MAGI2: variants seen among roughly 807,000 people sequenced by gnomAD.
MAGI2 encodes the protein membrane-associated guanylate kinase, WW and PDZ domain-containing protein 2.
A neutral mutation model predicts 133.3 loss-of-function variants in MAGI2; 35 were observed. That is an observed-to-expected ratio of 0.26 (90% CI 0.20 to 0.35). MAGI2 has a LOEUF of 0.35. Among genes scored for constraint, MAGI2 ranks in the 10% least tolerant of loss-of-function variants. The pLI is 1.00. For synonymous variants in MAGI2, 729 were observed against 710.6 expected (o/e 1.03, Z -0.41); for missense variants, 1,636 against 1,863.4 (o/e 0.88, Z 2.25).
chr7:78,785,952 G>A (rs774338018), intron 2 of MAGI2, among the ~76,000 whole-genome samples: 2 of 152,076 alleles, frequency 1.3e-5, no homozygotes, highest in East Asian at 1.9e-4. Flanking sequence ...TGAGACAGAG[G>A]GAGACAGAGG....
intron 4 of MAGI2, among the ~76,000 whole-genome samples, chr7:78,520,231 C>T (rs1413634906): frequency 1.3e-5 from 2 of 152,012 alleles, no homozygotes; most frequent in East Asian, 1.9e-4. Flanking sequence ...AGCACAAATT[C>T]GATTTTTGGT....
intron 1 of MAGI2, among the ~76,000 whole-genome samples, chr7:79,217,806 G>A (rs989515051): frequency 3.3e-5 from 5 of 151,932 alleles, no homozygotes; most frequent in African/African-American, 1.2e-4. Context: ...TACATTTTGG[G>A]TATAAACAAA....
At chr7:79,151,422 A>G (rs1327272192) in intron 1 of MAGI2, among the ~76,000 whole-genome samples, 1 of 152,166 alleles carries the variant, frequency 6.6e-6, no homozygotes, top group African/African-American at 2.4e-5. Flanking sequence ...ATTTGCAACT[A>G]AATTTTGTTA....
At chr7:78,517,014 C>G (rs1285694722) in intron 4 of MAGI2, among the ~76,000 whole-genome samples, 3 of 152,066 alleles carry the variant, frequency 2.0e-5, no homozygotes, top group African/African-American at 7.2e-5. Context: ...AGAAGTAATG[C>G]TTAGGTGATG....
chr7:78,926,958 A>T (rs1799744698), intron 2 of MAGI2, among the ~76,000 whole-genome samples: 1 of 151,950 alleles, frequency 6.6e-6, no homozygotes, highest in South Asian at 2.1e-4. Flanking sequence ...TCCCAACTTC[A>T]CTGTTATTGT....
intron 1 of MAGI2, among the ~76,000 whole-genome samples, chr7:79,315,192 G>A (rs1025920235): frequency 3.5e-5 from 5 of 143,058 alleles, no homozygotes; most frequent in African/African-American, 1.3e-4. Context: ...GTGAAGTCTC[G>A]CTGTTTTCCA....
At chr7:79,229,945 TC>T (rs1229746684) in intron 1 of MAGI2, among the ~76,000 whole-genome samples, 1 of 88,842 alleles carries the variant, frequency 1.1e-5, no homozygotes, top group African/African-American at 4.6e-5. Flanking sequence ...CCCTCCCCCC[TC>T]CCCCCACCCT....
chr7:79,082,533 G>A (rs1409839220), intron 1 of MAGI2, among the ~76,000 whole-genome samples: 1 of 152,024 alleles, frequency 6.6e-6, no homozygotes, highest in Non-Finnish European at 1.5e-5. Context: ...TTGACCACAT[G>A]TGTATGCATT....
At chr7:78,048,694 GTC>G (rs1231574378) in intron 21 of MAGI2, among the ~76,000 whole-genome samples, 1 of 152,122 alleles carries the variant, frequency 6.6e-6, no homozygotes, top group African/African-American at 2.4e-5. Flanking sequence ...GAAGTGGTTT[GTC>G]CCAGGGCTTC....
chr7:78,991,316 A>G (rs1405437522), intron 2 of MAGI2, among the ~76,000 whole-genome samples: 1 of 149,624 alleles, frequency 6.7e-6, no homozygotes, highest in Non-Finnish European at 1.5e-5. Flanking sequence ...AGACACACAC[A>G]TACACACACA....
rs67534111 is a variant in MAGI2, at chr7:78,514,086, CAAAAAAAAAAA to C, written c.754+7333_754+7343del. On this transcript the variant is annotated intron_variant, in intron 4 of 21. Coordinates refer to ENST00000354212, the MANE Select transcript of MAGI2 (RefSeq NM_012301.4). ...CTGGGCAACAAGAGTGAAACTGTCT[CAAAAAAAAAAA>C]AAAAAAAAAAAAAAAAGGACTAAAG... 6.4e-3 allele frequency among the ~76,000 whole-genome samples: 300 copies of C among 47,214 alleles called. 2 individuals are homozygous for C. In the East Asian group the frequency reaches 0.13, roughly 20 times the overall value. The allele number at this position is 47,214 out of a possible 152,430, so 31.0% of individuals were successfully genotyped here.
At chr7:78,524,614 T>C (rs1796795677) in intron 3 of MAGI2, among the ~76,000 whole-genome samples, 1 of 152,232 alleles carries the variant, frequency 6.6e-6, no homozygotes, top group Admixed American at 6.5e-5. Context: ...ATATACACGT[T>C]GCTAAATGTT....
At chr7:79,121,693 G>GTTC (rs1479681376) in intron 1 of MAGI2, among the ~76,000 whole-genome samples, 18 of 152,076 alleles carry the variant, frequency 1.2e-4, no homozygotes, top group Non-Finnish European at 5.9e-5. Context: ...ATCTTTGACA[G>GTTC]TTCTCTCTTT....
intron 3 of MAGI2, among the ~76,000 whole-genome samples, chr7:78,523,494 T>TAAAATAAAAAATAA (rs574776965): frequency 2.6e-5 from 4 of 151,322 alleles, no homozygotes; most frequent in African/African-American, 9.7e-5. Flanking sequence ...AATAAATAAA[T>TAAAATAAAAAATAA]AAAATAAAAA....
intron 9 of MAGI2, among the ~76,000 whole-genome samples, chr7:78,297,316 A>AAGTC (rs1016590954): frequency 6.6e-6 from 1 of 151,944 alleles, no homozygotes; most frequent in Non-Finnish European, 1.5e-5. Flanking sequence ...AATCATTAAA[A>AAGTC]AGTCAGGAAA....
chr7:78,898,242 A>T (rs1797358041), intron 2 of MAGI2, among the ~76,000 whole-genome samples: 1 of 152,208 alleles, frequency 6.6e-6, no homozygotes, highest in Non-Finnish European at 1.5e-5. Flanking sequence ...TTGCAGGAGT[A>T]TAAATTAGTT....
At chr7:78,531,061 G>C (rs1383677530) in intron 3 of MAGI2, among the ~76,000 whole-genome samples, 2 of 152,044 alleles carry the variant, frequency 1.3e-5, no homozygotes, top group Non-Finnish European at 2.9e-5. Flanking sequence ...GCTCCCTCAG[G>C]GAACTCAAGC....
chr7:79,442,401 T>A (rs1273827473), intron 1 of MAGI2, among the ~76,000 whole-genome samples: 1 of 152,064 alleles, frequency 6.6e-6, no homozygotes, highest in Admixed American at 6.6e-5. Context: ...CCTAAGTGCC[T>A]TTCCGAGACT....
intron 2 of MAGI2, among the ~76,000 whole-genome samples, chr7:78,765,818 A>G (rs981664527): frequency 6.6e-6 from 1 of 152,142 alleles, no homozygotes; most frequent in Non-Finnish European, 1.5e-5. Context: ...AAAACCCAAA[A>G]CACCCGAGAA....
Sources: gnomAD v4.1 joint callset for allele counts (sites outside exome capture counted in the v4.1 genomes callset) on GRCh38, gnomAD v4.1.1 for gene constraint, MANE v1.5 for transcripts, NCBI Gene and HGNC (gene_info 2026-07-23, HGNC 2026-07-21) for gene names.